The following MICU1 variants were observed in gnomAD, a reference collection of about 807,000 sequenced individuals.
MICU1 encodes calcium uptake protein 1, mitochondrial.
Under a neutral mutation model 56.8 loss-of-function variants are expected in MICU1, and 45 were observed. That is an observed-to-expected ratio of 0.79 (90% CI 0.62 to 1.02). The LOEUF is 1.02. Ranked by LOEUF, MICU1 falls within the 50% of genes least tolerant of loss-of-function variation. MICU1 has a pLI of 0.00. For missense variants in MICU1, 504 were observed against 587.1 expected (o/e 0.86, Z 1.46); for synonymous variants, 186 against 195.1 (o/e 0.95, Z 0.39).
chr10:72,498,824 A>G (rs1564903689), intron 6 of MICU1, among the ~76,000 whole-genome samples: 1 of 152,134 alleles, frequency 6.6e-6, no homozygotes, highest in East Asian at 1.9e-4. Context: ...ATGCAGACAT[A>G]ATTCTGGTGG....
At chr10:72,429,310 C>G (rs1440654500) in intron 8 of MICU1, among the ~76,000 whole-genome samples, 1 of 150,566 alleles carries the variant, frequency 6.6e-6, no homozygotes, top group Non-Finnish European at 1.5e-5. Flanking sequence ...ATCCCAGCTA[C>G]TTGGGAGGCT....
intron 1 of MICU1, among the ~76,000 whole-genome samples, chr10:72,623,258 T>C (rs1480265978): frequency 3.0e-5 from 3 of 101,018 alleles, no homozygotes; most frequent in Non-Finnish European, 5.5e-5. Context: ...GCAACGAGAG[T>C]GAAACTCTGT....
At chr10:72,512,044 A>C (rs1867469205) in intron 5 of MICU1, among the ~76,000 whole-genome samples, 1 of 149,938 alleles carries the variant, frequency 6.7e-6, no homozygotes, top group East Asian at 2.0e-4. Context: ...AATTACTGAT[A>C]CCTAAAATGA....
chr10:72,612,778 G>A (rs1841884791), intron 1 of MICU1, among the ~76,000 whole-genome samples: 1 of 151,690 alleles, frequency 6.6e-6, no homozygotes, highest in South Asian at 2.1e-4. Flanking sequence ...TCTAGCCTGG[G>A]TGACAGAGTG....
intron 10 of MICU1, among the ~76,000 whole-genome samples, chr10:72,397,721 A>G (rs1863315075): frequency 1.3e-5 from 2 of 152,222 alleles, no homozygotes; most frequent in African/African-American, 4.8e-5. Context: ...TCAATTCAAC[A>G]AGAAGAGCTA....
At chr10:72,497,720 G>A (rs1353318611) in intron 6 of MICU1, among the ~76,000 whole-genome samples, 2 of 152,152 alleles carry the variant, frequency 1.3e-5, no homozygotes, top group Non-Finnish European at 1.5e-5. Flanking sequence ...TTGCTCTAGG[G>A]TAATGAAGGG....
chr10:72,407,784 G>A, intron 10 of MICU1, 145 bp downstream of exon 10: 2 of 579,300 alleles, frequency 3.5e-6, no homozygotes, highest in Non-Finnish European at 6.0e-6. Flanking sequence ...TGAAATGCAA[G>A]GCTCATACAA....
At chr10:72,572,647 CA>C (rs1311776387) in intron 1 of MICU1, among the ~76,000 whole-genome samples, 1 of 151,720 alleles carries the variant, frequency 6.6e-6, no homozygotes, top group African/African-American at 2.4e-5. Flanking sequence ...CACAAACCAA[CA>C]GAAAGTTGGG....
At chr10:72,400,318 C>T (rs1400145092) in intron 10 of MICU1, among the ~76,000 whole-genome samples, 1 of 151,996 alleles carries the variant, frequency 6.6e-6, no homozygotes, top group Non-Finnish European at 1.5e-5. Flanking sequence ...ATTTTGTACG[C>T]CCTATAATTT....
At chr10:72,485,669 T>C (rs966483629) in intron 6 of MICU1, among the ~76,000 whole-genome samples, 2 of 151,822 alleles carry the variant, frequency 1.3e-5, no homozygotes, top group African/African-American at 4.8e-5. Context: ...AAAATGGTTA[T>C]AAAATAATAA....
chr10:72,502,602 T>C (rs1867116212), intron 6 of MICU1, among the ~76,000 whole-genome samples: 1 of 152,222 alleles, frequency 6.6e-6, no homozygotes, highest in Non-Finnish European at 1.5e-5. Flanking sequence ...GCTAATGTAC[T>C]TTCCCTATTC....
intron 1 of MICU1, among the ~76,000 whole-genome samples, chr10:72,603,280 G>A (rs1005677304): frequency 4.0e-5 from 6 of 151,812 alleles, no homozygotes; most frequent in African/African-American, 1.2e-4. Context: ...CCAGCTACTC[G>A]GGAGGCTGAG....
intron 10 of MICU1, among the ~76,000 whole-genome samples, chr10:72,378,551 T>C (rs761862521): frequency 1.3e-5 from 2 of 152,220 alleles, no homozygotes; most frequent in Non-Finnish European, 2.9e-5. Flanking sequence ...CCTGTGGAAC[T>C]GTGAGCCAAT....
At chr10:72,622,238 T>TAA (rs747962682) in intron 1 of MICU1, among the ~76,000 whole-genome samples, 1 of 93,350 alleles carries the variant, frequency 1.1e-5, no homozygotes, top group African/African-American at 3.5e-5. Flanking sequence ...TTCTCTTAAT[T>TAA]AAAAAAAAAA....
chr10:72,421,142 G>C (rs1018383735), intron 9 of MICU1, among the ~76,000 whole-genome samples: 1 of 151,870 alleles, frequency 6.6e-6, no homozygotes, highest in Admixed American at 6.6e-5. Context: ...GGGATTACAG[G>C]TATGTGCCAC....
rs1216877724 is a variant in MICU1 at position 72,423,364 on chromosome 10, C to T, written c.941G>A (p.Arg314His). The change falls in exon 9 of 12, where the codon CGC (arginine) becomes CAC (histidine). Residue 314 changes from arginine (R) to histidine (H), a missense_variant. Physicochemically the swap from Arg to His is conservative, Grantham distance 29. Coordinates refer to ENST00000361114, the MANE Select transcript of MICU1 (RefSeq NM_001195518.2). The stretch of plus-strand genomic sequence containing the variant: ...AATTCTCCCATCCACAGGGTCATGG[C>T]GTTCAAACTGGGAGGGAAACAGAAA... The part of the protein sequence containing the change: ...QHDVLKLEFE[R>H]HDPVDGRITE... 1.9e-6 allele frequency: 3 copies of T among 1,613,252 alleles called. No individual in the cohort carries two copies. The highest frequency in any genetic ancestry group is 2.7e-5 in the African/African-American group (2 of 74,874).
At chr10:72,551,367 T>TAC in intron 3 of MICU1, 26 bp from the exon 4 acceptor site, 1 of 1,577,422 alleles carries the variant, frequency 6.3e-7, no homozygotes, top group South Asian at 1.2e-5. Flanking sequence ...TAGAAAGTGT[T>TAC]ACTATATTAA....
intron 8 of MICU1, among the ~76,000 whole-genome samples, chr10:72,468,115 A>G (rs768804271): frequency 5.9e-5 from 9 of 152,166 alleles, no homozygotes; most frequent in Non-Finnish European, 1.3e-4. Flanking sequence ...GATTACAGGC[A>G]TGAGCCATCG....
At chr10:72,532,841 T>G (rs1839525171) in intron 5 of MICU1, 3 of 985,086 alleles carry the variant, frequency 3.0e-6, no homozygotes, top group South Asian at 9.4e-5. Context: ...AGCTACTCAT[T>G]CTTTTCACTT....
Sources: gnomAD v4.1 joint callset for allele counts (sites outside exome capture counted in the v4.1 genomes callset) on GRCh38, gnomAD v4.1.1 for gene constraint, MANE v1.5 for transcripts, NCBI Gene and HGNC (gene_info 2026-07-23, HGNC 2026-07-21) for gene names.